CLMN: variants seen among roughly 807,000 people sequenced by gnomAD.
CLMN encodes calmin.
CLMN carries 57 observed loss-of-function variants against 92.7 expected under a neutral mutation model. The observed-to-expected ratio is 0.61, with a 90% CI of 0.50 to 0.77. CLMN has a LOEUF of 0.77. Ranked by LOEUF, CLMN falls within the 30% of genes least tolerant of loss-of-function variation. The probability of loss-of-function intolerance (pLI) is 0.00; values close to 1 mark genes in which losing one functional copy is unlikely to be tolerated. For missense variants in CLMN, 1,158 were observed against 1,237.5 expected, an observed-to-expected ratio of 0.94 and a Z score of 0.96; for synonymous variants, 466 against 470.6, an observed-to-expected ratio of 0.99 and a Z score of 0.13.
At chr14:95,230,925 C>T (rs1897865488) in intron 1 of CLMN, among the ~76,000 whole-genome samples, 1 of 152,228 alleles carries the variant, frequency 6.6e-6, no homozygotes, top group South Asian at 2.1e-4. Flanking sequence ...ACCCCTTCTC[C>T]CAGGGGAGAG....
chr14:95,201,475 G>A (rs1289528167), intron 9 of CLMN, among the ~76,000 whole-genome samples: 1 of 151,818 alleles, frequency 6.6e-6, no homozygotes, highest in Non-Finnish European at 1.5e-5. Context: ...TCAGTACCTG[G>A]GTGATGGGGT....
chr14:95,268,797 T>C (rs1233237129), intron 1 of CLMN, among the ~76,000 whole-genome samples: 16 of 87,120 alleles, frequency 1.8e-4, no homozygotes, highest in Non-Finnish European at 3.5e-4. Context: ...TCTCTCTCTT[T>C]TTTTTTTTTT....
At chr14:95,196,446 C>A in intron 10 of CLMN, 52 bp downstream of exon 10, 1 of 1,545,380 alleles carries the variant, frequency 6.5e-7, no homozygotes. Context: ...CTGCAAATAA[C>A]TCTCTAACTC....
intron 2 of CLMN, among the ~76,000 whole-genome samples, chr14:95,224,265 TTTTATTTA>T (rs202079432): frequency 7.3e-5 from 11 of 151,666 alleles, no homozygotes; most frequent in East Asian, 1.9e-4. Context: ...AAGCCCTTCA[TTTTATTTA>T]TTTATTTATT....
chr14:95,251,096 G>T (rs1898764470), intron 1 of CLMN, among the ~76,000 whole-genome samples: 1 of 152,116 alleles, frequency 6.6e-6, no homozygotes, highest in African/African-American at 2.4e-5. Context: ...TTCCCATGTG[G>T]TATGGAATAC....
At chr14:95,251,206 T>C (rs1008969624) in intron 1 of CLMN, among the ~76,000 whole-genome samples, 1 of 150,720 alleles carries the variant, frequency 6.6e-6, no homozygotes, top group Non-Finnish European at 1.5e-5. Context: ...TCTTAGACAA[T>C]GATGATAAAA....
At chr14:95,318,974 G>C (rs1051258262) in intron 1 of CLMN, among the ~76,000 whole-genome samples, 4 of 152,166 alleles carry the variant, frequency 2.6e-5, no homozygotes, top group African/African-American at 9.7e-5. Flanking sequence ...GCCATACCCA[G>C]CCGCTCTCCA....
rs1896501553 is a variant in CLMN, at chr14:95,189,001, AAG to A, written c.*2561_*2562del. The A allele has an allele frequency of 1.3e-5, 2 of 152,112 alleles. No homozygotes were observed. The highest frequency in any genetic ancestry group is 4.8e-5 in the African/African-American group (2 of 41,404). The allele number at this position is 152,112 out of a possible 1,614,324, so 9.4% of individuals were successfully genotyped here. On this transcript the variant is annotated 3_prime_UTR_variant, in exon 13 of 13. Transcript: ENST00000298912. ...CCACACCAAAAAAAAAAAAAAAGTA[AAG>A]AGAGAGAATAGCAAATTAATGGGGA...
rs749122559 is a variant in CLMN at position 95,210,873 on chromosome 14, G to A, written c.615C>T (p.Gly205=). ...AWVQRKTRKY[G]VAVQDFAGSW... Reference sequence around the variant, plus strand: ...TGCCCGCAAAGTCCTGCACCGCCACGCCATACCTGAAGGAAAAACAGCAGC... The same window carrying A: ...TGCCCGCAAAGTCCTGCACCGCCACACCATACCTGAAGGAAAAACAGCAGC... The change falls in exon 7 of 13, where the codon GGC becomes GGT. Residue 205 remains glycine, a synonymous_variant. Coordinates refer to ENST00000298912, the MANE Select transcript of CLMN (RefSeq NM_024734.4). 17 of 1,505,714 alleles carry A rather than the reference G, an allele frequency of 1.1e-5. No homozygotes were observed. Among genetic ancestry groups the A allele is most frequent in the South Asian group, 5.2e-5 (4 of 76,218 alleles). 93.3% of individuals were successfully genotyped at this position (1,505,714 alleles called of 1,614,324 possible).
intron 1 of CLMN, among the ~76,000 whole-genome samples, chr14:95,245,246 AT>A (rs1340378919): frequency 2.4e-4 from 9 of 37,026 alleles, no homozygotes; most frequent in African/African-American, 1.1e-3. Flanking sequence ...TATTATATAT[AT>A]ATATATAATA....
chr14:95,279,599 C>T (rs919485410), intron 1 of CLMN, among the ~76,000 whole-genome samples: 7 of 152,164 alleles, frequency 4.6e-5, no homozygotes, highest in African/African-American at 9.7e-5. Context: ...CTGGCTAACA[C>T]GGTGAAACCC....
chr14:95,235,772 C>T (rs1048662339), intron 1 of CLMN, among the ~76,000 whole-genome samples: 2 of 152,140 alleles, frequency 1.3e-5, no homozygotes, highest in South Asian at 2.1e-4. Flanking sequence ...ACAGGTCCAC[C>T]GGGGCCAGTG....
chr14:95,267,620 CA>C (rs1899528158), intron 1 of CLMN, among the ~76,000 whole-genome samples: 1 of 152,026 alleles, frequency 6.6e-6, no homozygotes, highest in Non-Finnish European at 1.5e-5. Flanking sequence ...GAAGATTCGT[CA>C]AAAAACTAAA....
At chr14:95,302,111 A>G (rs1901082954) in intron 1 of CLMN, among the ~76,000 whole-genome samples, 1 of 152,222 alleles carries the variant, frequency 6.6e-6, no homozygotes, top group Non-Finnish European at 1.5e-5. Flanking sequence ...CAGCCTGGCC[A>G]ACACAGTGAA....
chr14:95,206,636 T>C (rs1214852310), intron 8 of CLMN, among the ~76,000 whole-genome samples: 2 of 152,236 alleles, frequency 1.3e-5, no homozygotes, highest in Non-Finnish European at 2.9e-5. Flanking sequence ...TAAATTCTCA[T>C]CTGTATTCCC....
intron 1 of CLMN, among the ~76,000 whole-genome samples, chr14:95,315,191 T>C (rs1331103805): frequency 6.6e-6 from 1 of 152,004 alleles, no homozygotes; most frequent in Non-Finnish European, 1.5e-5. Flanking sequence ...GAGAGAAGGT[T>C]GGTGTGGCAT....
chr14:95,220,169 CTTTTTTTTTT>C (rs767326601), intron 4 of CLMN, among the ~76,000 whole-genome samples: 2 of 71,796 alleles, frequency 2.8e-5, no homozygotes, highest in Non-Finnish European at 4.9e-5. Flanking sequence ...GGATAGGTCC[CTTTTTTTTTT>C]TTTTTTTTTT....
intron 1 of CLMN, among the ~76,000 whole-genome samples, chr14:95,280,393 A>G (rs1950620): frequency 0.25 from 37,739 of 152,090 alleles, 6,047 homozygotes; most frequent in African/African-American, 0.45. Context: ...AAAAGATAAT[A>G]AAAGATTTTT....
intron 1 of CLMN, among the ~76,000 whole-genome samples, chr14:95,281,711 A>C (rs1200592882): frequency 6.6e-6 from 1 of 152,222 alleles, no homozygotes; most frequent in African/African-American, 2.4e-5. Context: ...TTGTTTAGTC[A>C]CTTGGGGTAA....
Sources: gnomAD v4.1 joint callset for allele counts (sites outside exome capture counted in the v4.1 genomes callset) on GRCh38, gnomAD v4.1.1 for gene constraint, MANE v1.5 for transcripts, NCBI Gene and HGNC (gene_info 2026-07-23, HGNC 2026-07-21) for gene names.